Variants in JAK3 observed in about 807,000 individuals in gnomAD.
JAK3 encodes tyrosine-protein kinase JAK3.
A neutral mutation model predicts 120.8 loss-of-function variants in JAK3; 88 were observed. The ratio of observed to expected loss-of-function variants is 0.73; its 90% confidence interval spans 0.61 to 0.87. JAK3 has a LOEUF of 0.87. JAK3 is among the 40% of genes least tolerant of loss of function. The pLI is 0.00. For missense variants in JAK3, 1,254 were observed against 1,501.4 expected (o/e 0.84, Z 2.72); for synonymous variants, 592 against 628.6 (o/e 0.94, Z 0.87).
In JAK3 at chr19:17,841,366, G is replaced by A. The variant is rs910004333; in HGVS notation, c.1142+23C>T. On this transcript the variant is annotated intron_variant, in intron 8 of 23. Transcript: ENST00000458235. This position sits in a 1 kb window ranked among gnomAD's most constrained non-coding sequence, Gnocchi z 4.1. The stretch of plus-strand genomic sequence containing the variant: ...GGGGCCCTGAGTGGCCACAGAGGCC[G>A]GGAATGGGGGACAGGTCCTTACGTG... 9.1e-6 allele frequency: 14 copies of A among 1,540,618 alleles called. No homozygotes were observed. Among genetic ancestry groups the A allele is most frequent in the Non-Finnish European group, 1.2e-5 (14 of 1,145,780 alleles).
intron 23 of JAK3, chr19:17,829,882 C>T (rs2094210586): frequency 1.6e-6 from 1 of 616,712 alleles, no homozygotes; most frequent in South Asian, 1.8e-5. Context: ...CTTCCCTCAC[C>T]CTATAAGGCA....
rs1335438874 is a variant in JAK3 at position 17,843,120 on chromosome 19, T to C, written c.473A>G (p.Glu158Gly). 1 of 1,609,680 alleles carries C rather than the reference T, an allele frequency of 6.2e-7. No homozygotes were observed. The highest frequency in any genetic ancestry group is 1.7e-5 in the Admixed American group (1 of 59,962). The change falls in exon 5 of 24, where the codon GAG (glutamate) becomes GGG (glycine). Residue 158 changes from glutamate (E) to glycine (G), a missense_variant. Transcript: ENST00000458235. This position sits in a 1 kb window ranked among gnomAD's most constrained non-coding sequence, Gnocchi z 5.4. ...GRLPVGLSLK[E>G]QGECLSLAVL... ...GGCCAGGCTGAGACACTCACCCTGC[T>C]CCTTGAGACTGAGGCCCACGGGGAG... is the stretch of plus-strand genomic sequence containing the variant.
At chr19:17,840,365 T>G in intron 8 of JAK3, 24 bp from the exon 9 acceptor site, 1 of 1,492,460 alleles carries the variant, frequency 6.7e-7, no homozygotes. Flanking sequence ...TGAGAGGGAA[T>G]GGGGAGGAGT....
chr19:17,829,555 C>G (rs1261299648), intron 23 of JAK3, among the ~76,000 whole-genome samples: 1 of 152,112 alleles, frequency 6.6e-6, no homozygotes, highest in Non-Finnish European at 1.5e-5. Flanking sequence ...CCCACGAGTT[C>G]AAGACCAGCC....
In JAK3 at chr19:17,837,938, G is replaced by T. The variant is rs137852625; in HGVS notation, c.1695C>A (p.Cys565Ter). The stretch of plus-strand genomic sequence containing the variant: ...TGGTCCACATTGCTCTCACCTCCAT[G>T]CAGTTCTTGTGCTTGGCATCCATGA... Reference protein sequence around the residue: ...LKVMDAKHKNCMESFLEAASL... With the variant: ...LKVMDAKHKN Residue 565 changes from cysteine (C) to a stop codon, truncating the protein, a stop_gained, in exon 12 of 24, where the codon TGC becomes TGA. Transcript: ENST00000458235. LOFTEE classifies it high-confidence loss of function. 4.3e-6 allele frequency: 7 copies of T among 1,613,862 alleles called. No homozygotes were observed. Among genetic ancestry groups the T allele is most frequent in the Non-Finnish European group, 5.9e-6 (7 of 1,179,982 alleles).
In JAK3 at chr19:17,831,485, G is replaced by C; in HGVS notation, c.2806-85C>G. On this transcript the variant is annotated intron_variant, in intron 20 of 23. Coordinates refer to ENST00000458235, the MANE Select transcript of JAK3 (RefSeq NM_000215.4). This position sits in a 1 kb window ranked among gnomAD's most constrained non-coding sequence, Gnocchi z 5.1. ...AAGCGTGACCTGGCACCCCAACCCA[G>C]ACCCCAACTATAACCCTACCCCCGA... 1 of 1,570,046 alleles carries C rather than the reference G, an allele frequency of 6.4e-7. No individual in the cohort carries two copies. Among genetic ancestry groups the C allele is most frequent in the Non-Finnish European group, 8.6e-7 (1 of 1,156,492 alleles).
Position 17,843,287 on chromosome 19 carries a change from G to T in JAK3, c.420+93C>A. ...CCCCACCCCTGGACTGCCACAGGGAGGGTCAGACGAGGCCCCACCTGATTG... is the reference window on the plus strand; with the variant it reads ...CCCCACCCCTGGACTGCCACAGGGATGGTCAGACGAGGCCCCACCTGATTG... On this transcript the variant is annotated intron_variant, in intron 4 of 23. Transcript: ENST00000458235. The surrounding 1 kb of genome is among the most constrained non-coding windows in gnomAD (Gnocchi z 5.4). 1 of 1,527,800 alleles carries T rather than the reference G, an allele frequency of 6.5e-7. No homozygotes were observed. Among genetic ancestry groups the T allele is most frequent in the Non-Finnish European group, 8.9e-7 (1 of 1,126,218 alleles). The allele number at this position is 1,527,800 out of a possible 1,614,324, so 94.6% of individuals were successfully genotyped here. A position where few individuals can be genotyped will look rare whatever the true frequency, so the allele number is the denominator to read the frequency against.
rs1449943380 is a variant in JAK3, at chr19:17,835,216, C to T, written c.1915-1G>A. 7 of 1,613,684 alleles carry T rather than the reference C, an allele frequency of 4.3e-6. No individual in the cohort carries two copies. The highest frequency in any genetic ancestry group is 5.1e-6 in the Non-Finnish European group (6 of 1,179,950). On this transcript the variant is annotated splice_acceptor_variant, in intron 14 of 23. Transcript: ENST00000458235. LOFTEE classifies it high-confidence loss of function. ...TGCCATGGGGCAGGCCTTTGTCCTC[C>T]TAAGGGGGCCAGACACAGGAAAATG...
chr19:17,832,528 A>G lies in JAK3; in HGVS notation c.2671T>C (p.Tyr891His). 6.2e-7 allele frequency: 1 copy of G among 1,614,198 alleles called. No homozygotes were observed. Among genetic ancestry groups the G allele is most frequent in the Non-Finnish European group, 8.5e-7 (1 of 1,180,034 alleles). Residue 891 changes from tyrosine to histidine, a missense_variant, in exon 19 of 24, where the codon TAT becomes CAT. Coordinates refer to ENST00000458235, the MANE Select transcript of JAK3 (RefSeq NM_000215.4). The surrounding 1 kb of genome is among the most constrained non-coding windows in gnomAD (Gnocchi z 4.7). ...DFIVKYRGVS[Y>H]GPGRQSLRLV... ...CCGGGAGCTGGCTCACCCGGGCCATAGCTGACACCACGATACTTGACAATG... is the reference window on the plus strand; with the variant it reads ...CCGGGAGCTGGCTCACCCGGGCCATGGCTGACACCACGATACTTGACAATG...
At chr19:17,845,997 T>G (rs2094251360) in intron 1 of JAK3, among the ~76,000 whole-genome samples, 1 of 152,060 alleles carries the variant, frequency 6.6e-6, no homozygotes, top group African/African-American at 2.4e-5. Context: ...TTTGTATTTT[T>G]GGTAGAGACG....
At chr19:17,830,378 G>A in intron 22 of JAK3, 125 bp downstream of exon 22, 7 of 930,730 alleles carry the variant, frequency 7.5e-6, no homozygotes, top group Non-Finnish European at 1.2e-5. Flanking sequence ...CTCCCCACTG[G>A]GGCCTATGAT....
rs2094216320 is a variant in JAK3 at position 17,832,584 on chromosome 19, A to G, written c.2615T>C (p.Ile872Thr). Residue 872 changes from isoleucine (I) to threonine (T), a missense_variant, in exon 19 of 24, where the codon ATT becomes ACT. Ile to Thr is a moderately conservative substitution (Grantham distance 89). Transcript: ENST00000458235. The surrounding 1 kb of genome is among the most constrained non-coding windows in gnomAD (Gnocchi z 4.7). ...PDQQRDFQRE[I>T]QILKALHSDF... ...ACTGTGCAGTGCTTTGAGGATCTGA[A>G]TCTCCCGCTGAAAGTCCCTCTGCTG... The G allele has an allele frequency of 2.5e-6, 4 of 1,614,162 alleles. No homozygotes were observed. The highest frequency in any genetic ancestry group is 3.4e-6 in the Non-Finnish European group (4 of 1,180,036).
In JAK3 at chr19:17,842,791, A is replaced by G; in HGVS notation, c.567-181T>C. On this transcript the variant is annotated intron_variant, in intron 5 of 23. Transcript: ENST00000458235. This position sits in a 1 kb window ranked among gnomAD's most constrained non-coding sequence, Gnocchi z 6.4. ...CCGGACCTCAGAGTAGGGGAGGGCC[A>G]TTGGCGCCCACAGGTCGGACAGGGA... is the stretch of plus-strand genomic sequence containing the variant. 1.2e-6 allele frequency: 1 copy of G among 836,610 alleles called. No homozygotes were observed. The highest frequency in any genetic ancestry group is 1.8e-6 in the Non-Finnish European group (1 of 542,282). The allele number at this position is 836,610 out of a possible 1,614,324, so 51.8% of individuals were successfully genotyped here.
chr19:17,844,174 A>G, intron 2 of JAK3, 60 bp downstream of exon 2: 5 of 1,500,142 alleles, frequency 3.3e-6, no homozygotes, highest in Non-Finnish European at 4.5e-6. Context: ...CCAGCTTCCA[A>G]TCTTGGCCCC....
intron 17 of JAK3, 122 bp from the exon 18 acceptor site, chr19:17,833,051 T>C (rs950434556): frequency 7.3e-6 from 11 of 1,498,978 alleles, no homozygotes; most frequent in African/African-American, 1.4e-5. Context: ...GGCAGGGCCA[T>C]TGCAAGCCAA....
rs375857709 is a variant in JAK3, at chr19:17,834,659, C to T, written c.2262G>A (p.Leu754=). 1.2e-6 allele frequency: 2 copies of T among 1,613,980 alleles called. No individual in the cohort carries two copies. The highest frequency in any genetic ancestry group is 2.7e-5 in the African/African-American group (2 of 74,910). ...LPAPKWTELA[L]LIQQCMAYEP... ...CATAGGCCATGCACTGTTGAATCAG[C>T]AGGGCCAGCTCTGTCCACTTGGGGG... is the stretch of plus-strand genomic sequence containing the variant. The change falls in exon 17 of 24, where the codon CTG becomes CTA. Residue 754 remains leucine, a synonymous_variant. Coordinates refer to ENST00000458235, the MANE Select transcript of JAK3 (RefSeq NM_000215.4).
Position 17,834,553 on chromosome 19 carries a change from A to G in JAK3, c.2350+18T>C, listed in dbSNP as rs1173159755. The G allele has an allele frequency of 6.2e-7, 1 of 1,610,064 alleles. No homozygotes were observed. The highest frequency in any genetic ancestry group is 8.5e-7 in the Non-Finnish European group (1 of 1,177,666). ...ATGACATCACAGCCCTCCCCACCCAACCCGTCCCAGCGGGCACCTGAAGAG... is the reference window on the plus strand; with the variant it reads ...ATGACATCACAGCCCTCCCCACCCAGCCCGTCCCAGCGGGCACCTGAAGAG... On this transcript the variant is annotated intron_variant, in intron 17 of 23. Coordinates refer to ENST00000458235, the MANE Select transcript of JAK3 (RefSeq NM_000215.4).
In JAK3 at chr19:17,832,459, G is replaced by T; in HGVS notation, c.2680+60C>A. On this transcript the variant is annotated intron_variant, in intron 19 of 23. Coordinates refer to ENST00000458235, the MANE Select transcript of JAK3 (RefSeq NM_000215.4). The surrounding 1 kb of genome is among the most constrained non-coding windows in gnomAD (Gnocchi z 4.7). ...CTAAAGTGGCCTGGCAGGAGGGTAA[G>T]AATGTGCACTTTGAAAAGCACCCAT... 6.4e-7 allele frequency: 1 copy of T among 1,555,286 alleles called. No individual in the cohort carries two copies. Among genetic ancestry groups the T allele is most frequent in the Non-Finnish European group, 8.9e-7 (1 of 1,126,800 alleles).
Position 17,841,345 on chromosome 19 carries a change from C to T in JAK3, c.1142+44G>A, listed in dbSNP as rs202243727. On this transcript the variant is annotated intron_variant, in intron 8 of 23. Transcript: ENST00000458235. This position sits in a 1 kb window ranked among gnomAD's most constrained non-coding sequence, Gnocchi z 4.1. ...ACTGAGGCATAGAGAAGGGGAGGGG[C>T]CCTGAGTGGCCACAGAGGCCGGGAA... The T allele has an allele frequency of 4.6e-6, 7 of 1,529,896 alleles. No individual in the cohort carries two copies. The Admixed American group carries it at 7.9e-5, about 17-fold the overall frequency. 94.8% of individuals were successfully genotyped at this position (1,529,896 alleles called of 1,614,324 possible).
Sources: allele counts gnomAD v4.1 joint callset (sites outside exome capture counted in the v4.1 genomes callset), GRCh38; gene constraint gnomAD v4.1.1; non-coding constraint Gnocchi (gnomAD v3.1); transcripts MANE v1.5; gene names NCBI Gene and HGNC (gene_info 2026-07-23, HGNC 2026-07-21).